The following MYH10 variants were observed in gnomAD, a reference collection of about 807,000 sequenced individuals.
The protein encoded by MYH10 is myosin heavy chain 10, also known as myosin-10.
A neutral mutation model predicts 257.8 loss-of-function variants in MYH10; 55 were observed. The observed-to-expected ratio is 0.21, with a 90% CI of 0.17 to 0.27. The LOEUF (loss-of-function observed/expected upper bound fraction) is 0.27, where lower values mean the gene tolerates loss of function less well. Ranked by LOEUF, MYH10 falls within the 10% of genes least tolerant of loss-of-function variation. The pLI is 1.00. For synonymous variants in MYH10, 854 were observed against 921.7 expected (o/e 0.93, Z 1.33); for missense variants, 1,631 against 2,500.6 (o/e 0.65, Z 7.42).
chr17:8,560,426 C>T, intron 7 of MYH10: 1 of 368,858 alleles, frequency 2.7e-6, no homozygotes, highest in South Asian at 2.4e-5. Context: ...AGAAATGGGG[C>T]TTTGTAGTCA....
At chr17:8,482,976 A>G (rs1335127505) in intron 37 of MYH10, among the ~76,000 whole-genome samples, 1 of 152,224 alleles carries the variant, frequency 6.6e-6, no homozygotes, top group East Asian at 1.9e-4. Context: ...CCCACGGAAC[A>G]CTTATAAAAA....
intron 1 of MYH10, among the ~76,000 whole-genome samples, chr17:8,629,608 C>T (rs1201797476): frequency 6.6e-6 from 1 of 152,180 alleles, no homozygotes; most frequent in Non-Finnish European, 1.5e-5. Flanking sequence ...GCGGCTTCAA[C>T]TTCCCTCCGA....
At chr17:8,559,432 A>T (rs975416962) in intron 7 of MYH10, among the ~76,000 whole-genome samples, 5 of 152,306 alleles carry the variant, frequency 3.3e-5, no homozygotes, top group Admixed American at 2.6e-4. Flanking sequence ...AAATTAAAAG[A>T]TGAAGCAATA....
intron 21 of MYH10, among the ~76,000 whole-genome samples, chr17:8,514,575 T>A (rs979529607): frequency 1.3e-5 from 2 of 151,836 alleles, no homozygotes; most frequent in African/African-American, 4.8e-5. Context: ...TCGCCTTCAC[T>A]CTACTATTTT....
intron 4 of MYH10, among the ~76,000 whole-genome samples, chr17:8,587,593 C>G (rs1295236728): frequency 5.9e-5 from 9 of 152,268 alleles, no homozygotes; most frequent in Admixed American, 4.6e-4. Context: ...TCGCGCCCCC[C>G]ACTAGGACCT....
intron 3 of MYH10, among the ~76,000 whole-genome samples, chr17:8,597,364 A>G (rs1035160258): frequency 5.3e-5 from 8 of 151,732 alleles, no homozygotes; most frequent in Middle Eastern, 3.4e-3. Context: ...AAAGAAAAAG[A>G]ATATCATAGG....
chr17:8,484,049 G>A, intron 37 of MYH10, 89 bp downstream of exon 37: 1 of 1,250,054 alleles, frequency 8.0e-7, no homozygotes, highest in Non-Finnish European at 1.1e-6. Flanking sequence ...CATTACAGTG[G>A]GCTACAAATA....
intron 38 of MYH10, 103 bp downstream of exon 38, chr17:8,481,219 G>A (rs901417669): frequency 8.4e-7 from 1 of 1,188,708 alleles, no homozygotes; most frequent in Non-Finnish European, 1.2e-6. Flanking sequence ...AGCGAGGGAG[G>A]AGCAAACCAC....
chr17:8,607,278 A>G (rs527594813), intron 2 of MYH10, among the ~76,000 whole-genome samples: 161 of 152,326 alleles, frequency 1.1e-3, no homozygotes, highest in Non-Finnish European at 1.9e-3. Context: ...CAAGAAAACG[A>G]AAATACACAA....
intron 30 of MYH10, among the ~76,000 whole-genome samples, chr17:8,498,671 C>A (rs1917055362): frequency 6.6e-6 from 1 of 151,928 alleles, no homozygotes; most frequent in Non-Finnish European, 1.5e-5. Context: ...CGTGGTGAAA[C>A]CCCGTCTCTA....
chr17:8,560,589 G>A (rs767205388), intron 7 of MYH10: 3 of 886,350 alleles, frequency 3.4e-6, no homozygotes, highest in Non-Finnish European at 5.2e-6. Context: ...TTCGTGCACT[G>A]AGCACTGGAG....
chr17:8,589,276 A>C (rs1023603388), intron 3 of MYH10, among the ~76,000 whole-genome samples, 168 bp from the exon 4 acceptor site: 1 of 140,272 alleles, frequency 7.1e-6, no homozygotes, highest in Non-Finnish European at 1.5e-5. Flanking sequence ...ATCTAATCAA[A>C]CCCCCTCATA....
At chr17:8,511,391 G>A (rs2081289882) in intron 24 of MYH10, among the ~76,000 whole-genome samples, 2 of 152,180 alleles carry the variant, frequency 1.3e-5, no homozygotes, top group Admixed American at 1.3e-4. Flanking sequence ...GTGGTAGCAG[G>A]CGCCTGTAAT....
chr17:8,589,159 G>GTGACCA, intron 3 of MYH10, 51 bp from the exon 4 acceptor site: 2 of 1,579,154 alleles, frequency 1.3e-6, no homozygotes, highest in Non-Finnish European at 1.7e-6. Flanking sequence ...CATTTGCCTG[G>GTGACCA]TTTTAAAATA....
At chr17:8,575,896 G>A (rs543669926) in intron 6 of MYH10, among the ~76,000 whole-genome samples, 22 of 152,334 alleles carry the variant, frequency 1.4e-4, no homozygotes, top group Middle Eastern at 3.4e-3. Flanking sequence ...GCTATGGTCT[G>A]TGGAGCTAAA....
intron 7 of MYH10, among the ~76,000 whole-genome samples, chr17:8,557,594 A>G (rs1371150333): frequency 6.6e-6 from 1 of 152,190 alleles, no homozygotes; most frequent in Non-Finnish European, 1.5e-5. Context: ...TGATATACTC[A>G]GGCACTATGT....
chr17:8,551,812 TA>T (rs1567889131), intron 9 of MYH10, among the ~76,000 whole-genome samples: 3 of 152,154 alleles, frequency 2.0e-5, no homozygotes, highest in African/African-American at 7.2e-5. Context: ...TAAAAAATTT[TA>T]AAAAAGAAAT....
rs1298007125 is a variant in MYH10 at position 8,493,989 on chromosome 17, C to G, written c.4057-104G>C. The G allele has an allele frequency of 3.1e-6, 4 of 1,282,136 alleles. No homozygotes were observed. In the African/African-American group the frequency reaches 6.0e-5, roughly 19 times the overall value. 79.4% of individuals were successfully genotyped at this position (1,282,136 alleles called of 1,614,324 possible). A position where few individuals can be genotyped will look rare whatever the true frequency, so the allele number is the denominator to read the frequency against. On this transcript the variant is annotated intron_variant, in intron 31 of 42. Transcript: ENST00000360416. The stretch of plus-strand genomic sequence containing the variant: ...TCGTACAAAAGAGACAGCCTCAATG[C>G]ATGAGAACGCCCAGTGACATTAACA...
intron 11 of MYH10, among the ~76,000 whole-genome samples, chr17:8,547,920 A>G (rs2082497275): frequency 6.6e-6 from 1 of 151,594 alleles, no homozygotes; most frequent in African/African-American, 2.4e-5. Flanking sequence ...TTTCCTATTA[A>G]GATCTAGATT....
Sources: allele counts gnomAD v4.1 joint callset (sites outside exome capture counted in the v4.1 genomes callset), GRCh38; gene constraint gnomAD v4.1.1; transcripts MANE v1.5; gene names NCBI Gene and HGNC (gene_info 2026-07-23, HGNC 2026-07-21).